Variants in GABRA4 observed in about 807,000 individuals in gnomAD.
GABRA4 encodes gamma-aminobutyric acid type A receptor subunit alpha4, also known as gamma-aminobutyric acid receptor subunit alpha-4.
Under a neutral mutation model 49.7 loss-of-function variants are expected in GABRA4, and 12 were observed. The ratio of observed to expected loss-of-function variants is 0.24; its 90% CI spans 0.15 to 0.39. The LOEUF is 0.39. Among genes scored for constraint, GABRA4 ranks in the 10% least tolerant of loss-of-function variants. The probability of loss-of-function intolerance (pLI) is 1.00; values close to 1 mark genes in which losing one functional copy is unlikely to be tolerated. For synonymous variants in GABRA4, 288 were observed against 240.2 expected (o/e 1.20, Z -1.84); for missense variants, 506 against 686.0 (o/e 0.74, Z 2.93).
At chr4:46,982,631 T>C (rs1723396397) in intron 2 of GABRA4, among the ~76,000 whole-genome samples, 1 of 152,124 alleles carries the variant, frequency 6.6e-6, no homozygotes, top group South Asian at 2.1e-4. Context: ...TGATATTCAG[T>C]CTTTCTCTGT....
intron 8 of GABRA4, among the ~76,000 whole-genome samples, chr4:46,961,236 G>A (rs1219102785): frequency 6.6e-6 from 1 of 151,824 alleles, no homozygotes; most frequent in Non-Finnish European, 1.5e-5. Flanking sequence ...TGCCCTGTAG[G>A]AGCAGAGCTA....
rs1720926784 is a variant in GABRA4 at position 46,920,129 on chromosome 4, T to C, written c.*8096A>G. On this transcript the variant is annotated 3_prime_UTR_variant, in exon 9 of 9. Coordinates refer to ENST00000264318, the MANE Select transcript of GABRA4 (RefSeq NM_000809.4). ...CAAGTATAAAAGACTGAGAAAAAAA[T>C]ATGTCAATCAAACTTTAACTGAAAT... The C allele has an allele frequency of 6.6e-6, 1 of 151,576 alleles. No individual in the cohort carries two copies. The highest frequency in any genetic ancestry group is 6.6e-5 in the Admixed American group (1 of 15,206). 9.4% of individuals were successfully genotyped at this position (151,576 alleles called of 1,614,324 possible). A position where few individuals can be genotyped will look rare whatever the true frequency, so the allele number is the denominator to read the frequency against.
chr4:46,980,404 G>T (rs1189748155), intron 2 of GABRA4, among the ~76,000 whole-genome samples: 1 of 147,192 alleles, frequency 6.8e-6, no homozygotes, highest in African/African-American at 2.5e-5. Flanking sequence ...GAGAGAAATT[G>T]GTATCACTTA....
chr4:46,952,960 A>C (rs1722224547), intron 8 of GABRA4, among the ~76,000 whole-genome samples: 1 of 152,086 alleles, frequency 6.6e-6, no homozygotes, highest in African/African-American at 2.4e-5. Context: ...TCTATATCTC[A>C]GTTATATGAG....
rs370731649 is a variant in GABRA4, at chr4:46,948,955, T to C, written c.1134+16015A>G. On this transcript the variant is annotated intron_variant, in intron 8 of 8. Coordinates refer to ENST00000264318, the MANE Select transcript of GABRA4 (RefSeq NM_000809.4). ...ATTTTCTTTTCCTAAATGAGGACTATAGTCTGGTAACAAAATCTCTGAGAA... is the reference window on the plus strand; with the variant it reads ...ATTTTCTTTTCCTAAATGAGGACTACAGTCTGGTAACAAAATCTCTGAGAA... Among the ~76,000 whole-genome samples the C allele has an allele frequency of 3.9e-5, 6 of 152,132 alleles. No individual in the cohort carries two copies. The East Asian group carries it at 1.2e-3, about 29-fold the overall frequency.
chr4:46,968,136 T>A lies in GABRA4; in HGVS notation c.875-2907A>T, dbSNP rs955676704. 2.2e-4 allele frequency among the ~76,000 whole-genome samples: 33 copies of A among 151,630 alleles called. No homozygotes were observed. In the Middle Eastern group the frequency reaches 0.01, roughly 47 times the overall value. ...AAATAAGAGTTAGGAAAGAAAAAAATTTGCCCAGAATTAATATTTACCTAA... is the reference window on the plus strand; with the variant it reads ...AAATAAGAGTTAGGAAAGAAAAAAAATTGCCCAGAATTAATATTTACCTAA... On this transcript the variant is annotated intron_variant, in intron 7 of 8. Transcript: ENST00000264318.
At chr4:46,952,154 A>G (rs964761556) in intron 8 of GABRA4, among the ~76,000 whole-genome samples, 1 of 152,106 alleles carries the variant, frequency 6.6e-6, no homozygotes, top group Non-Finnish European at 1.5e-5. Context: ...GGTCATCGAT[A>G]TGAAGATATC....
intron 7 of GABRA4, among the ~76,000 whole-genome samples, chr4:46,965,506 T>C (rs1271978867): frequency 6.6e-6 from 1 of 151,806 alleles, no homozygotes; most frequent in African/African-American, 2.4e-5. Flanking sequence ...GGGCTTTATT[T>C]GATACCCACT....
intron 8 of GABRA4, among the ~76,000 whole-genome samples, chr4:46,945,509 A>T (rs1183637455): frequency 2.6e-5 from 4 of 152,142 alleles, no homozygotes; most frequent in Non-Finnish European, 4.4e-5. Context: ...TCTCAATCAT[A>T]GTTCTAAAGC....
rs1443978191 is a variant in GABRA4, at chr4:46,919,397, A to G, written c.*8828T>C. ...AAAATTGCCAATTTCAGGGAGTCAA[A>G]TGTGATTACTAAAACCTCAAGAAAT... On this transcript the variant is annotated 3_prime_UTR_variant, in exon 9 of 9. Coordinates refer to ENST00000264318, the MANE Select transcript of GABRA4 (RefSeq NM_000809.4). 6.6e-6 allele frequency: 1 copy of G among 151,592 alleles called. No individual in the cohort carries two copies. Among genetic ancestry groups the G allele is most frequent in the Non-Finnish European group, 1.5e-5 (1 of 67,584 alleles). The allele number at this position is 151,592 out of a possible 1,614,324, so 9.4% of individuals were successfully genotyped here.
At chr4:46,959,431 G>T (rs1722483877) in intron 8 of GABRA4, among the ~76,000 whole-genome samples, 1 of 151,924 alleles carries the variant, frequency 6.6e-6, no homozygotes, top group Non-Finnish European at 1.5e-5. Context: ...CTTTCCCAAT[G>T]ATTAAATGGT....
chr4:46,956,797 C>T (rs1006236093), intron 8 of GABRA4, among the ~76,000 whole-genome samples: 10 of 151,998 alleles, frequency 6.6e-5, no homozygotes, highest in African/African-American at 2.2e-4. Context: ...TTTAAAAGTA[C>T]CACATTTCCT....
chr4:46,974,448 A>C, intron 5 of GABRA4, 73 bp from the exon 6 acceptor site: 1 of 1,361,492 alleles, frequency 7.3e-7, no homozygotes, highest in South Asian at 1.6e-5. Context: ...ACACTTAAAA[A>C]CAGTACTTGT....
intron 7 of GABRA4, among the ~76,000 whole-genome samples, chr4:46,965,827 A>G (rs1374797325): frequency 1.3e-5 from 2 of 151,848 alleles, no homozygotes; most frequent in Admixed American, 6.6e-5. Context: ...TACTAAATTT[A>G]CTAGTTGTGC....
rs899417963 is a variant in GABRA4 at position 46,924,805 on chromosome 4, T to C, written c.*3420A>G. The C allele has an allele frequency of 5.9e-5, 9 of 152,070 alleles. No homozygotes were observed. The highest frequency in any genetic ancestry group is 2.2e-4 in the African/African-American group (9 of 41,444). The allele number at this position is 152,070 out of a possible 1,614,324, so 9.4% of individuals were successfully genotyped here. A position where few individuals can be genotyped will look rare whatever the true frequency, so the allele number is the denominator to read the frequency against. On this transcript the variant is annotated 3_prime_UTR_variant, in exon 9 of 9. Transcript: ENST00000264318. ...CTTACAAGAGTATGCTTGTATTTAC[T>C]ATGAGAATCAGAGAGTATTAAAACT...
At chr4:46,985,230 C>T (rs1212847545) in intron 2 of GABRA4, among the ~76,000 whole-genome samples, 1 of 151,830 alleles carries the variant, frequency 6.6e-6, no homozygotes, top group Non-Finnish European at 1.5e-5. Flanking sequence ...GACAGTCAAC[C>T]TAAAATGACA....
intron 8 of GABRA4, among the ~76,000 whole-genome samples, chr4:46,956,224 T>C (rs1722355582): frequency 6.6e-6 from 1 of 152,084 alleles, no homozygotes; most frequent in Admixed American, 6.6e-5. Context: ...ATTTAAAGAA[T>C]GTCACTAAAC....
chr4:46,936,792 A>G (rs1721616883), intron 8 of GABRA4, among the ~76,000 whole-genome samples: 1 of 152,158 alleles, frequency 6.6e-6, no homozygotes. Flanking sequence ...CTGTGAATCT[A>G]TTGGTCTGGC....
intron 8 of GABRA4, among the ~76,000 whole-genome samples, chr4:46,938,343 T>G (rs1426812876): frequency 1.3e-5 from 2 of 152,242 alleles, no homozygotes; most frequent in South Asian, 4.2e-4. Flanking sequence ...TCCAGAAAGA[T>G]TCAAGTCCAT....
Sources: gnomAD v4.1 joint callset for allele counts (sites outside exome capture counted in the v4.1 genomes callset) on GRCh38, gnomAD v4.1.1 for gene constraint, MANE v1.5 for transcripts, NCBI Gene and HGNC (gene_info 2026-07-23, HGNC 2026-07-21) for gene names.